The following AK4 variants were observed in gnomAD, a reference collection of about 807,000 sequenced individuals.
The protein encoded by AK4 is adenylate kinase 4, also known as adenylate kinase 4, mitochondrial.
Under a neutral mutation model 24.6 loss-of-function variants are expected in AK4, and 13 were observed. That is an observed-to-expected ratio of 0.53 (90% CI 0.34 to 0.84). The LOEUF is 0.84. Among genes scored for constraint, AK4 ranks in the 40% least tolerant of loss-of-function variants. The pLI is 0.01. For synonymous variants in AK4, 88 were observed against 107.0 expected (o/e 0.82, Z 1.10); for missense variants, 192 against 288.2 (o/e 0.67, Z 2.42).
chr1:65,188,170 G>A (rs897959161), intron 1 of AK4, among the ~76,000 whole-genome samples: 2 of 152,086 alleles, frequency 1.3e-5, no homozygotes, highest in Non-Finnish European at 2.9e-5. Context: ...AGATGTGGGC[G>A]GATCACTTGA....
rs151261410 is a variant in AK4, at chr1:65,193,048, A to G, written c.265+2219A>G. Among the ~76,000 whole-genome samples the G allele has an allele frequency of 1.1e-4, 16 of 152,310 alleles. 1 individual carries two copies. In the East Asian group the frequency reaches 2.7e-3, roughly 26 times the overall value. On this transcript the variant is annotated intron_variant, in intron 2 of 4. Transcript: ENST00000327299. ...AGTGGCCCACTCCCATGGCTCCATT[A>G]GGCATTGCCCTAGTGGGGACTCTGG...
At chr1:65,196,993 T>C (rs547221254) in intron 2 of AK4, among the ~76,000 whole-genome samples, 9 of 152,144 alleles carry the variant, frequency 5.9e-5, no homozygotes, top group Non-Finnish European at 1.3e-4. Flanking sequence ...AAACTCCCAT[T>C]TTTAAAACTA....
At chr1:65,181,310 A>G (rs1236807924) in intron 1 of AK4, among the ~76,000 whole-genome samples, 1 of 151,818 alleles carries the variant, frequency 6.6e-6, no homozygotes, top group Non-Finnish European at 1.5e-5. Context: ...ACTTTTGTAT[A>G]TGCATGTAGC....
intron 2 of AK4, among the ~76,000 whole-genome samples, chr1:65,218,084 T>C (rs1652185801): frequency 6.6e-6 from 1 of 152,220 alleles, no homozygotes; most frequent in Non-Finnish European, 1.5e-5. Context: ...ATACAGTATT[T>C]ATGATAGTCA....
intron 1 of AK4, among the ~76,000 whole-genome samples, chr1:65,164,089 A>C (rs1231406284): frequency 6.6e-6 from 1 of 152,172 alleles, no homozygotes; most frequent in Non-Finnish European, 1.5e-5. Flanking sequence ...CCTAAACTGT[A>C]ATTTCTAATC....
intron 1 of AK4, among the ~76,000 whole-genome samples, chr1:65,161,749 C>T (rs1033577118): frequency 8.6e-5 from 13 of 151,872 alleles, no homozygotes; most frequent in Admixed American, 3.3e-4. Context: ...TAGGCTATAA[C>T]GAGAGGAGAG....
At chr1:65,219,664 C>A (rs1276105179) in intron 3 of AK4, among the ~76,000 whole-genome samples, 1 of 152,098 alleles carries the variant, frequency 6.6e-6, no homozygotes, top group Non-Finnish European at 1.5e-5. Flanking sequence ...CCCTCCCTCA[C>A]CCTAGCTTCT....
intron 2 of AK4, among the ~76,000 whole-genome samples, chr1:65,207,269 T>C (rs1420787736): frequency 6.6e-6 from 1 of 152,042 alleles, no homozygotes; most frequent in Non-Finnish European, 1.5e-5. Flanking sequence ...CACGCTGGAG[T>C]GCAGTGGCAC....
At chr1:65,196,274 A>G (rs2101049024) in intron 2 of AK4, among the ~76,000 whole-genome samples, 1 of 152,222 alleles carries the variant, frequency 6.6e-6, no homozygotes, top group East Asian at 1.9e-4. Context: ...ATATGGCTGT[A>G]GAGAGGCATC....
At chr1:65,150,775 T>C (rs936315555) in intron 1 of AK4, among the ~76,000 whole-genome samples, 1 of 152,178 alleles carries the variant, frequency 6.6e-6, no homozygotes, top group African/African-American at 2.4e-5. Flanking sequence ...GGAATTTGAA[T>C]TGGAAAGTAG....
intron 1 of AK4, among the ~76,000 whole-genome samples, chr1:65,187,620 C>G (rs1465114365): frequency 6.6e-6 from 1 of 152,088 alleles, no homozygotes; most frequent in Non-Finnish European, 1.5e-5. Flanking sequence ...TAAAAAAATG[C>G]TGGGATTACC....
intron 1 of AK4, among the ~76,000 whole-genome samples, chr1:65,173,304 G>T (rs1650601534): frequency 6.6e-6 from 1 of 152,110 alleles, no homozygotes; most frequent in Non-Finnish European, 1.5e-5. Flanking sequence ...ACAGTCCATG[G>T]CACTTGGCTT....
intron 2 of AK4, among the ~76,000 whole-genome samples, chr1:65,191,487 T>C (rs139044956): frequency 3.6e-4 from 55 of 151,428 alleles, no homozygotes; most frequent in African/African-American, 1.3e-3. Context: ...AACAACTGTA[T>C]GGAAAGTGAT....
chr1:65,179,445 A>C (rs1169502312), intron 1 of AK4, among the ~76,000 whole-genome samples: 1 of 152,164 alleles, frequency 6.6e-6, no homozygotes, highest in Non-Finnish European at 1.5e-5. Flanking sequence ...CAAGTTACTT[A>C]ATCTCTCTGT....
At chr1:65,213,789 C>G (rs1398656562) in intron 2 of AK4, among the ~76,000 whole-genome samples, 3 of 152,176 alleles carry the variant, frequency 2.0e-5, no homozygotes, top group Non-Finnish European at 4.4e-5. Context: ...ACTGCCCCCC[C>G]AGTACCTCAG....
intron 2 of AK4, among the ~76,000 whole-genome samples, chr1:65,192,957 A>G (rs1351582341): frequency 1.3e-5 from 2 of 152,192 alleles, no homozygotes; most frequent in Non-Finnish European, 2.9e-5. Context: ...GCTGGGTTCA[A>G]TCCACTCAGC....
chr1:65,175,953 C>T (rs1650700855), intron 1 of AK4, among the ~76,000 whole-genome samples: 1 of 152,164 alleles, frequency 6.6e-6, no homozygotes, highest in Non-Finnish European at 1.5e-5. Context: ...TTTATGAATG[C>T]ATGTGTTCCT....
chr1:65,153,041 G>A (rs6702993), intron 1 of AK4, among the ~76,000 whole-genome samples: 43,286 of 151,910 alleles, frequency 0.28, 6,662 homozygotes, highest in East Asian at 0.53. Context: ...CCCTAGCTGG[G>A]TGAGACTCAG....
intron 2 of AK4, among the ~76,000 whole-genome samples, chr1:65,213,746 C>T (rs1652041145): frequency 1.3e-5 from 2 of 152,232 alleles, no homozygotes; most frequent in African/African-American, 4.8e-5. Flanking sequence ...GTGGGTGTGT[C>T]CTCTGACCCC....
Sources: allele counts gnomAD v4.1 joint callset (sites outside exome capture counted in the v4.1 genomes callset), GRCh38; gene constraint gnomAD v4.1.1; transcripts MANE v1.5; gene names NCBI Gene and HGNC (gene_info 2026-07-23, HGNC 2026-07-21).